Variants in POLE2 observed in about 807,000 individuals in gnomAD.
POLE2 encodes the protein DNA polymerase epsilon 2, accessory subunit.
POLE2 carries 56 observed loss-of-function variants against 79.4 expected under a neutral mutation model. The observed-to-expected ratio is 0.71, with a 90% CI of 0.57 to 0.88. The LOEUF (loss-of-function observed/expected upper bound fraction) is 0.88. Among genes scored for constraint, POLE2 ranks in the 40% least tolerant of loss-of-function variants. The probability of loss-of-function intolerance (pLI) is 0.00; values close to 1 mark genes in which losing one functional copy is unlikely to be tolerated. For missense variants in POLE2, 598 were observed against 638.9 expected (o/e 0.94, Z 0.69); for synonymous variants, 212 against 214.0 (o/e 0.99, Z 0.08).
intron 18 of POLE2, among the ~76,000 whole-genome samples, chr14:49,644,660 C>T (rs947208826): frequency 6.6e-6 from 1 of 152,004 alleles, no homozygotes; most frequent in Non-Finnish European, 1.5e-5. Context: ...TTCTTTGAGG[C>T]TTAGAAATTT....
intron 5 of POLE2, among the ~76,000 whole-genome samples, chr14:49,671,377 G>C (rs768881132): frequency 4.6e-5 from 7 of 152,122 alleles, no homozygotes; most frequent in Non-Finnish European, 1.0e-4. Flanking sequence ...CTAACACTTT[G>C]GGAGGCCGAG....
At chr14:49,671,494 A>AT (rs1368486910) in intron 5 of POLE2, among the ~76,000 whole-genome samples, 1 of 151,790 alleles carries the variant, frequency 6.6e-6, no homozygotes, top group Non-Finnish European at 1.5e-5. Context: ...GCACATGCCT[A>AT]TAGTCCCAGC....
chr14:49,660,508 T>C (rs956341198), intron 10 of POLE2, among the ~76,000 whole-genome samples: 2 of 152,086 alleles, frequency 1.3e-5, no homozygotes, highest in Admixed American at 6.6e-5. Flanking sequence ...AAGAAAAAAC[T>C]TTTCTTTTTT....
Position 49,650,338 on chromosome 14 carries a change from G to C in POLE2, c.1424C>G (p.Pro475Arg). 1.2e-6 allele frequency: 2 copies of C among 1,611,406 alleles called. No individual in the cohort carries two copies. Among genetic ancestry groups the C allele is most frequent in the East Asian group, 4.5e-5 (2 of 44,718 alleles). ...TTTGTCTGCAATGACAAGTAGATCG[G>C]GCACAGGATACACTCTCAAAGCATA... Reference protein sequence around the residue: ...YDYALRVYPVPDLLVIADKYD... With the variant: ...YDYALRVYPVRDLLVIADKYD... The change falls in exon 17 of 19, where the codon CCC becomes CGC. Residue 475 changes from proline (P) to arginine (R), a missense_variant. Physicochemically the swap from Pro to Arg is moderately radical, Grantham distance 103. Coordinates refer to ENST00000216367, the MANE Select transcript of POLE2 (RefSeq NM_002692.4).
At chr14:49,669,647 A>G (rs767408490) in intron 5 of POLE2, 49 bp from the exon 6 acceptor site, 2 of 952,358 alleles carry the variant, frequency 2.1e-6, no homozygotes, top group South Asian at 1.3e-5. Flanking sequence ...ACATTTAAAT[A>G]TAAGATTCAT....
At chr14:49,647,197 T>A in intron 18 of POLE2, 96 bp downstream of exon 18, 2 of 687,230 alleles carry the variant, frequency 2.9e-6, no homozygotes, top group South Asian at 1.9e-5. Context: ...ACTGTAGACA[T>A]TTTCAAAAAT....
intron 5 of POLE2, among the ~76,000 whole-genome samples, chr14:49,670,238 T>A (rs776984422): frequency 4.3e-5 from 6 of 138,776 alleles, no homozygotes; most frequent in Non-Finnish European, 6.0e-5. Flanking sequence ...ATTGCTTGAA[T>A]CCAGGAGGCA....
chr14:49,655,678 CATT>C lies in POLE2; in HGVS notation c.918_920del (p.Ile306del), dbSNP rs1302826446. 1.9e-6 allele frequency: 3 copies of C among 1,605,424 alleles called. No individual in the cohort carries two copies. The highest frequency in any genetic ancestry group is 2.5e-6 in the Non-Finnish European group (3 of 1,177,102). Reference sequence around the variant, plus strand: ...AAAAAAAATAAGACCTACCAGCAAACATTATGCGAAGTTTTTCCAATACTTCCA... The same window carrying C: ...AAAAAAAATAAGACCTACCAGCAAACATGCGAAGTTTTTCCAATACTTCCA... On this transcript the variant is annotated inframe_deletion, in exon 11 of 19. Coordinates refer to ENST00000216367, the MANE Select transcript of POLE2 (RefSeq NM_002692.4).
chr14:49,661,766 A>G (rs1331700478), intron 10 of POLE2, among the ~76,000 whole-genome samples: 2 of 152,198 alleles, frequency 1.3e-5, no homozygotes, highest in Non-Finnish European at 2.9e-5. Context: ...GGCATTTTAG[A>G]GAAAATTTAT....
At chr14:49,678,324 C>G (rs958644702) in intron 3 of POLE2, among the ~76,000 whole-genome samples, 14 of 151,882 alleles carry the variant, frequency 9.2e-5, no homozygotes, top group East Asian at 1.9e-4. Flanking sequence ...TTTCTTACCC[C>G]CAAGAGCAAC....
At chr14:49,655,391 T>C (rs1212913875) in intron 11 of POLE2, among the ~76,000 whole-genome samples, 1 of 151,650 alleles carries the variant, frequency 6.6e-6, no homozygotes, top group Non-Finnish European at 1.5e-5. Flanking sequence ...TGTTTAGAGA[T>C]GGGGTCTCAC....
intron 6 of POLE2, among the ~76,000 whole-genome samples, chr14:49,668,616 G>A (rs1295307413): frequency 6.6e-6 from 1 of 152,154 alleles, no homozygotes; most frequent in East Asian, 1.9e-4. Flanking sequence ...AAGACAGTTT[G>A]AAAAGAATAA....
intron 3 of POLE2, chr14:49,679,328 T>A (rs1024833558): frequency 1.9e-5 from 3 of 159,902 alleles, no homozygotes; most frequent in African/African-American, 7.2e-5. Context: ...CTACCCTCAT[T>A]TGCCATTCAC....
rs772123320 is a variant in POLE2 at position 49,651,303 on chromosome 14, C to T, written c.1286G>A (p.Arg429His). 26 of 1,602,616 alleles carry T rather than the reference C, an allele frequency of 1.6e-5. No individual in the cohort carries two copies. The highest frequency in any genetic ancestry group is 5.5e-5 in the South Asian group (5 of 90,564). ...AATAGCCAAATTGCTGCTAGGAAAA[C>T]GGACGCAGTTTCTGCACATTTTATT... is the stretch of plus-strand genomic sequence containing the variant. ...LVNKMCRNCV[R>H]FPSSNLAIPN... is the part of the protein sequence containing the mutation. The change falls in exon 16 of 19, where the codon CGT (arginine) becomes CAT (histidine). Residue 429 changes from arginine to histidine, a missense_variant. By Grantham distance (29) the Arg-to-His change is conservative. Transcript: ENST00000216367.
intron 5 of POLE2, among the ~76,000 whole-genome samples, chr14:49,671,006 T>C (rs1246278021): frequency 6.6e-6 from 1 of 152,172 alleles, no homozygotes; most frequent in Non-Finnish European, 1.5e-5. Context: ...AACAAAGATT[T>C]TGAAGTAGGA....
chr14:49,688,113 T>A, intron 1 of POLE2, 23 bp downstream of exon 1: 1 of 1,539,778 alleles, frequency 6.5e-7, no homozygotes. Flanking sequence ...CTCTCGCCCT[T>A]CAAGCTGCCC....
rs1418231472 is a variant in POLE2 at position 49,643,689 on chromosome 14, A to T, written c.1566-19T>A. 4 of 1,293,524 alleles carry T rather than the reference A, an allele frequency of 3.1e-6. No homozygotes were observed. The highest frequency in any genetic ancestry group is 4.4e-6 in the Non-Finnish European group (4 of 910,754). 80.1% of individuals were successfully genotyped at this position (1,293,524 alleles called of 1,614,324 possible). A position where few individuals can be genotyped will look rare whatever the true frequency, so the allele number is the denominator to read the frequency against. On this transcript the variant is annotated intron_variant, in intron 18 of 18. Coordinates refer to ENST00000216367, the MANE Select transcript of POLE2 (RefSeq NM_002692.4). ...AAGTTTGCTGAAAATAGAAAAAAAA[A>T]TTAAATATTTGGAAACCTAAGTTGT...
At chr14:49,682,651 A>G (rs1013089093) in intron 2 of POLE2, among the ~76,000 whole-genome samples, 1 of 150,348 alleles carries the variant, frequency 6.7e-6, no homozygotes, top group African/African-American at 2.5e-5. Flanking sequence ...AAAAAAAAAA[A>G]AAAAAAAAAA....
At chr14:49,675,484 G>A (rs1886208443) in intron 3 of POLE2, among the ~76,000 whole-genome samples, 1 of 152,072 alleles carries the variant, frequency 6.6e-6, no homozygotes, top group Non-Finnish European at 1.5e-5. Flanking sequence ...CTGATGCCCA[G>A]GCTGGGGTGT....
Sources: gnomAD v4.1 joint callset for allele counts (sites outside exome capture counted in the v4.1 genomes callset) on GRCh38, gnomAD v4.1.1 for gene constraint, MANE v1.5 for transcripts, NCBI Gene and HGNC (gene_info 2026-07-23, HGNC 2026-07-21) for gene names.